Variants in HERC4 observed in about 807,000 individuals in gnomAD.
The protein encoded by HERC4 is HECT and RLD domain containing E3 ubiquitin protein ligase 4, also known as probable E3 ubiquitin-protein ligase HERC4.
Under a neutral mutation model 124.3 loss-of-function variants are expected in HERC4, and 28 were observed. That is an observed-to-expected ratio of 0.23 (90% CI 0.17 to 0.31). The LOEUF (loss-of-function observed/expected upper bound fraction) is 0.31, where lower values mean the gene tolerates loss of function less well. Ranked by LOEUF, HERC4 falls within the 10% of genes least tolerant of loss-of-function variation. The pLI, the probability that HERC4 is intolerant of heterozygous loss-of-function variation, is 1.00. For synonymous variants in HERC4, 407 were observed against 421.5 expected, an observed-to-expected ratio of 0.97 and a Z score of 0.42; for missense variants, 713 against 1,229.3, an observed-to-expected ratio of 0.58 and a Z score of 6.28.
At chr10:67,949,251 T>C (rs1252187236) in intron 19 of HERC4, among the ~76,000 whole-genome samples, 1 of 151,900 alleles carries the variant, frequency 6.6e-6, no homozygotes, top group Non-Finnish European at 1.5e-5. Context: ...GCCACTGCAC[T>C]CCAGCTGGGG....
At chr10:68,016,565 A>C (rs1169695741) in intron 8 of HERC4, among the ~76,000 whole-genome samples, 4 of 152,114 alleles carry the variant, frequency 2.6e-5, no homozygotes, top group South Asian at 4.2e-4. Context: ...GTTGGTCAGG[A>C]TGGTCTTGAT....
At chr10:67,926,617 G>C (rs374613927) in intron 23 of HERC4, among the ~76,000 whole-genome samples, 7 of 152,116 alleles carry the variant, frequency 4.6e-5, no homozygotes, top group African/African-American at 1.7e-4. Flanking sequence ...TGGTCATCAG[G>C]CTAATTTTTA....
chr10:68,002,486 A>G (rs1480185719), intron 9 of HERC4, among the ~76,000 whole-genome samples: 1 of 152,206 alleles, frequency 6.6e-6, no homozygotes, highest in Non-Finnish European at 1.5e-5. Flanking sequence ...ACATCAATGA[A>G]AAAATAATCA....
chr10:68,033,887 C>T (rs3740055), intron 6 of HERC4, 78 bp downstream of exon 6: 106,178 of 1,172,098 alleles, frequency 0.091, 8,233 homozygotes, highest in East Asian at 0.42. Context: ...TTCTCTCTTA[C>T]ACTAAGAATC....
chr10:67,982,945 C>T (rs757579737), intron 15 of HERC4, among the ~76,000 whole-genome samples: 2 of 151,684 alleles, frequency 1.3e-5, no homozygotes, highest in Admixed American at 6.6e-5. Flanking sequence ...CTGGGCAACA[C>T]GGTGAAACCC....
rs997307580 is a variant in HERC4 at position 68,056,335 on chromosome 10, T to C, written c.227-11772A>G. On this transcript the variant is annotated intron_variant, in intron 3 of 24. Coordinates refer to ENST00000373700, the MANE Select transcript of HERC4 (RefSeq NM_015601.4). ...CTTTCCTAAGACACAACCAATAAAA[T>C]ACATTGATCATGTGTTCATTCAACA... 2.6e-5 allele frequency among the ~76,000 whole-genome samples: 4 copies of C among 152,124 alleles called. No individual in the cohort carries two copies. The South Asian group carries it at 8.3e-4, about 31-fold the overall frequency.
At chr10:68,038,272 G>T in intron 4 of HERC4, 103 bp from the exon 5 acceptor site, 2 of 466,250 alleles carry the variant, frequency 4.3e-6, no homozygotes, top group South Asian at 6.3e-5. Context: ...ATGCACATAG[G>T]TCATATTATT....
chr10:67,957,849 C>T (rs547904599), intron 16 of HERC4, among the ~76,000 whole-genome samples: 37 of 152,190 alleles, frequency 2.4e-4, no homozygotes, highest in African/African-American at 6.5e-4. Context: ...GCACTGATGC[C>T]GGGGCTGGAG....
At chr10:68,055,580 A>AT (rs1163288504) in intron 3 of HERC4, among the ~76,000 whole-genome samples, 1 of 152,178 alleles carries the variant, frequency 6.6e-6, no homozygotes, top group Non-Finnish European at 1.5e-5. Flanking sequence ...TTTAATCCTC[A>AT]TAACACCATG....
At chr10:67,988,858 C>T in intron 14 of HERC4, 23 bp from the exon 15 acceptor site, 1 of 1,547,464 alleles carries the variant, frequency 6.5e-7, no homozygotes, top group Non-Finnish European at 8.7e-7. Flanking sequence ...AGTGAACATG[C>T]AAATAAAATG....
intron 16 of HERC4, among the ~76,000 whole-genome samples, chr10:67,961,710 G>A (rs907929918): frequency 2.0e-5 from 3 of 152,074 alleles, no homozygotes; most frequent in Non-Finnish European, 2.9e-5. Context: ...GAGTTCCCAC[G>A]TGTCACCAGC....
chr10:67,954,867 A>AT, intron 18 of HERC4, 96 bp downstream of exon 18: 1 of 1,243,418 alleles, frequency 8.0e-7, no homozygotes, highest in South Asian at 2.0e-5. Context: ...AATTTTATTT[A>AT]TTAAGTTTAA....
At chr10:68,072,093 T>C (rs961833970) in intron 3 of HERC4, among the ~76,000 whole-genome samples, 3 of 152,246 alleles carry the variant, frequency 2.0e-5, no homozygotes, top group African/African-American at 4.8e-5. Context: ...TAAGTCAGTA[T>C]AGCTGCAGTC....
intron 3 of HERC4, among the ~76,000 whole-genome samples, chr10:68,045,577 C>T (rs566347953): frequency 6.6e-6 from 1 of 152,192 alleles, no homozygotes; most frequent in African/African-American, 2.4e-5. Context: ...AAAATACTGG[C>T]CCTACTACCA....
At chr10:68,004,349 T>G (rs1320522274) in intron 9 of HERC4, among the ~76,000 whole-genome samples, 4 of 152,218 alleles carry the variant, frequency 2.6e-5, no homozygotes, top group Non-Finnish European at 4.4e-5. Context: ...TTCTGTGAGT[T>G]GTTTCTTCAC....
chr10:67,951,103 C>A (rs2033759633), intron 19 of HERC4, among the ~76,000 whole-genome samples: 1 of 152,130 alleles, frequency 6.6e-6, no homozygotes, highest in Non-Finnish European at 1.5e-5. Context: ...CTTGAAAGGT[C>A]CCAAAGAGAT....
chr10:67,993,445 G>C (rs2036670092), intron 9 of HERC4: 1 of 151,720 alleles, frequency 6.6e-6, no homozygotes, highest in Non-Finnish European at 1.5e-5. Flanking sequence ...CGTGAGCCCA[G>C]TTCAAAGCTG....
intron 24 of HERC4, among the ~76,000 whole-genome samples, chr10:67,924,217 T>C (rs1053237112): frequency 1.3e-5 from 2 of 152,206 alleles, no homozygotes; most frequent in African/African-American, 2.4e-5. Flanking sequence ...TTTCTTGACA[T>C]TGGTCCCTCA....
intron 6 of HERC4, 117 bp from the exon 7 acceptor site, chr10:68,032,986 T>C: frequency 3.2e-6 from 2 of 629,212 alleles, no homozygotes; most frequent in South Asian, 1.9e-5. Flanking sequence ...ATTTTAACTA[T>C]GATTCGATGA....
Sources: allele counts gnomAD v4.1 joint callset (sites outside exome capture counted in the v4.1 genomes callset), GRCh38; gene constraint gnomAD v4.1.1; transcripts MANE v1.5; gene names NCBI Gene and HGNC (gene_info 2026-07-23, HGNC 2026-07-21).